ME1: variants seen among roughly 807,000 people sequenced by gnomAD.
ME1 encodes the protein NADP-dependent malic enzyme.
ME1 carries 74 observed loss-of-function variants against 66.4 expected under a neutral mutation model. That is an observed-to-expected ratio of 1.11 (90% CI 0.92 to 1.35). The LOEUF (loss-of-function observed/expected upper bound fraction) is 1.35, where lower values mean the gene tolerates loss of function less well. ME1 is among the 40% of genes most tolerant of loss of function. ME1 has a pLI of 0.00. For missense variants in ME1, 750 were observed against 694.1 expected, an observed-to-expected ratio of 1.08 and a Z score of -0.90; for synonymous variants, 251 against 235.6, an observed-to-expected ratio of 1.07 and a Z score of -0.60.
intron 2 of ME1, among the ~76,000 whole-genome samples, chr6:83,407,005 T>C (rs1477517559): frequency 5.5e-5 from 7 of 126,792 alleles, no homozygotes; most frequent in East Asian, 2.3e-4. Flanking sequence ...CACACACACA[T>C]CCTATCAGCT....
chr6:83,275,416 T>C (rs932353998), intron 6 of ME1, among the ~76,000 whole-genome samples: 2 of 151,572 alleles, frequency 1.3e-5, no homozygotes, highest in Non-Finnish European at 1.5e-5. Context: ...CCGAACCATA[T>C]TGAAAAGTCT....
chr6:83,255,807 C>T (rs1766758589), intron 6 of ME1, among the ~76,000 whole-genome samples: 1 of 152,048 alleles, frequency 6.6e-6, no homozygotes, highest in African/African-American at 2.4e-5. Flanking sequence ...ATTACACACA[C>T]ACACTTACTC....
chr6:83,412,634 A>T (rs570927297), intron 1 of ME1, among the ~76,000 whole-genome samples: 1 of 151,524 alleles, frequency 6.6e-6, no homozygotes, highest in South Asian at 2.1e-4. Flanking sequence ...AAACTAAGGT[A>T]TATCCATACA....
At chr6:83,292,514 C>T (rs906483216) in intron 6 of ME1, among the ~76,000 whole-genome samples, 17 of 152,192 alleles carry the variant, frequency 1.1e-4, no homozygotes, top group Admixed American at 5.2e-4. Flanking sequence ...GAGAGGCACC[C>T]GCCTGTATGA....
At position 83,412,164 on chromosome 6, in the gene ME1, G is replaced by A. The variant is rs567152637; in HGVS notation, c.79-4263C>T. 3.0e-4 allele frequency among the ~76,000 whole-genome samples: 45 copies of A among 152,122 alleles called. No individual in the cohort carries two copies. In the South Asian group the frequency reaches 8.3e-3, roughly 28 times the overall value. On this transcript the variant is annotated intron_variant, in intron 1 of 13. Transcript: ENST00000369705. Reference sequence around the variant, plus strand: ...ACAGAACAAATATATTCTGTATTCCGCACTAACAATCCTTAATATTTCCAA... The same window carrying A: ...ACAGAACAAATATATTCTGTATTCCACACTAACAATCCTTAATATTTCCAA...
At chr6:83,270,210 CATT>C (rs1233613460) in intron 6 of ME1, among the ~76,000 whole-genome samples, 2 of 152,178 alleles carry the variant, frequency 1.3e-5, no homozygotes, top group Admixed American at 6.5e-5. Flanking sequence ...TTTTCTAAGA[CATT>C]ATACATTTAA....
intron 3 of ME1, among the ~76,000 whole-genome samples, chr6:83,370,440 T>C (rs573354315): frequency 3.9e-4 from 59 of 152,176 alleles, no homozygotes; most frequent in Middle Eastern, 3.4e-3. Flanking sequence ...TGTTTGAATA[T>C]GACATAATAG....
chr6:83,333,753 T>C (rs1050867941), intron 5 of ME1, among the ~76,000 whole-genome samples: 1 of 152,200 alleles, frequency 6.6e-6, no homozygotes, highest in African/African-American at 2.4e-5. Context: ...AGTTGATATG[T>C]GTAGCCCGAA....
intron 2 of ME1, among the ~76,000 whole-genome samples, chr6:83,404,771 C>A (rs1390148345): frequency 6.6e-6 from 1 of 152,214 alleles, no homozygotes; most frequent in African/African-American, 2.4e-5. Flanking sequence ...GGAATCCTTT[C>A]TCCATTGCTT....
At chr6:83,357,622 C>T (rs910392474) in intron 3 of ME1, among the ~76,000 whole-genome samples, 1 of 151,742 alleles carries the variant, frequency 6.6e-6, no homozygotes, top group African/African-American at 2.4e-5. Flanking sequence ...ATATTTGAGT[C>T]GGTGGGCTGG....
At chr6:83,216,840 C>G (rs1288724827) in intron 12 of ME1, among the ~76,000 whole-genome samples, 1 of 152,116 alleles carries the variant, frequency 6.6e-6, no homozygotes, top group East Asian at 1.9e-4. Flanking sequence ...CCTTTTAGTC[C>G]ACTTCCTTTT....
In ME1 at chr6:83,430,962, G is replaced by A. The variant is rs984586645; in HGVS notation, c.-8C>T. 1.3e-6 allele frequency: 2 copies of A among 1,546,442 alleles called. No individual in the cohort carries two copies. The highest frequency in any genetic ancestry group is 2.5e-5 in the East Asian group (1 of 39,604). The stretch of plus-strand genomic sequence containing the variant: ...GGGGGCTTCGGGCTCCATGGCTGGC[G>A]CCGGGTTCGGCGGCGGGGTCAGGCC... On this transcript the variant is annotated 5_prime_UTR_variant, in exon 1 of 14. Transcript: ENST00000369705.
intron 1 of ME1, among the ~76,000 whole-genome samples, chr6:83,408,498 T>C (rs1375048957): frequency 2.0e-5 from 3 of 152,220 alleles, no homozygotes; most frequent in African/African-American, 4.8e-5. Flanking sequence ...CTGCCCTTTA[T>C]GTCTTACCTC....
At chr6:83,266,080 A>G (rs1218930694) in intron 6 of ME1, among the ~76,000 whole-genome samples, 6 of 152,206 alleles carry the variant, frequency 3.9e-5, no homozygotes, top group African/African-American at 1.4e-4. Flanking sequence ...GGCATTCCAA[A>G]AGCATTATAA....
rs1160143574 is a variant in ME1, at chr6:83,212,028, A to T, written c.1615T>A (p.Phe539Ile). 1.2e-6 allele frequency: 2 copies of T among 1,613,038 alleles called. No individual in the cohort carries two copies. ...GTACTATACATCTGGGAGCGGACAA[A>T]TGCTTCTTTGTTTTGCGGTTCAGGA... is the stretch of plus-strand genomic sequence containing the variant. ...VYPEPQNKEA[F>I]VRSQMYSTDY... Residue 539 changes from phenylalanine (F) to isoleucine (I), a missense_variant, in exon 14 of 14, where the codon TTT becomes ATT. Phe to Ile is a conservative substitution (Grantham distance 21). Coordinates refer to ENST00000369705, the MANE Select transcript of ME1 (RefSeq NM_002395.6).
intron 6 of ME1, among the ~76,000 whole-genome samples, chr6:83,277,810 G>A (rs1468991300): frequency 6.6e-6 from 1 of 151,914 alleles, no homozygotes; most frequent in Non-Finnish European, 1.5e-5. Context: ...GCTGAGGCAG[G>A]AGAATCGCTT....
intron 3 of ME1, among the ~76,000 whole-genome samples, chr6:83,389,153 T>C (rs576767136): frequency 1.3e-5 from 2 of 152,190 alleles, no homozygotes; most frequent in East Asian, 3.9e-4. Context: ...TTTCATGTCC[T>C]CACAGTCTGA....
intron 9 of ME1, among the ~76,000 whole-genome samples, chr6:83,237,278 AGGAAGGAAG>A (rs759450834): frequency 0.011 from 737 of 67,016 alleles, 42 homozygotes; most frequent in African/African-American, 0.026. Flanking sequence ...AAAGAAAGAA[AGGAAGGAAG>A]GAAGGAAAGA....
At chr6:83,400,933 C>T (rs1769826289) in intron 2 of ME1, among the ~76,000 whole-genome samples, 1 of 152,150 alleles carries the variant, frequency 6.6e-6, no homozygotes, top group African/African-American at 2.4e-5. Flanking sequence ...CGCTGTTCCT[C>T]AGATTTCTTC....
Sources: gnomAD v4.1 joint callset for allele counts (sites outside exome capture counted in the v4.1 genomes callset) on GRCh38, gnomAD v4.1.1 for gene constraint, MANE v1.5 for transcripts, NCBI Gene and HGNC (gene_info 2026-07-23, HGNC 2026-07-21) for gene names.